TMEM266: variants seen among roughly 807,000 people sequenced by gnomAD.
TMEM266 encodes the protein transmembrane protein 266.
Under a neutral mutation model 50.5 loss-of-function variants are expected in TMEM266, and 33 were observed. The ratio of observed to expected loss-of-function variants is 0.65; its 90% CI spans 0.50 to 0.87. The LOEUF (loss-of-function observed/expected upper bound fraction) is 0.87, where lower values mean the gene tolerates loss of function less well. Among genes scored for constraint, TMEM266 ranks in the 40% least tolerant of loss-of-function variants. TMEM266 has a pLI of 0.00. For missense variants in TMEM266, 655 were observed against 695.1 expected (o/e 0.94, Z 0.65); for synonymous variants, 310 against 292.3 (o/e 1.06, Z -0.62).
chr15:76,103,767 C>G (rs779177416), intron 1 of TMEM266, among the ~76,000 whole-genome samples: 1 of 147,022 alleles, frequency 6.8e-6, no homozygotes, highest in Non-Finnish European at 1.5e-5. Flanking sequence ...CAAAAATTAG[C>G]TGGGCATGAT....
chr15:76,090,511 GAGAAAA>G (rs1171351986), intron 1 of TMEM266, among the ~76,000 whole-genome samples: 1 of 129,390 alleles, frequency 7.7e-6, no homozygotes. Context: ...AAAAAAAAAA[GAGAAAA>G]AGAAAAAAGT....
At chr15:76,201,737 C>T (rs1420475914) in intron 9 of TMEM266, among the ~76,000 whole-genome samples, 3 of 152,172 alleles carry the variant, frequency 2.0e-5, no homozygotes, top group Non-Finnish European at 4.4e-5. Flanking sequence ...GTGGATCGAG[C>T]CACGGGGGGC....
chr15:76,117,716 C>A (rs1331163042), intron 1 of TMEM266, among the ~76,000 whole-genome samples: 2 of 152,130 alleles, frequency 1.3e-5, no homozygotes, highest in Non-Finnish European at 2.9e-5. Context: ...TGAGAGGAGA[C>A]AAGCTGGGAA....
chr15:76,150,467 G>A (rs2037821928), intron 3 of TMEM266, among the ~76,000 whole-genome samples: 1 of 152,218 alleles, frequency 6.6e-6, no homozygotes, highest in South Asian at 2.1e-4. Flanking sequence ...CTGATGCCGT[G>A]ACTCTCCACT....
chr15:76,072,761 C>A (rs1013459637), intron 1 of TMEM266, among the ~76,000 whole-genome samples: 16 of 151,860 alleles, frequency 1.1e-4, no homozygotes, highest in East Asian at 7.8e-4. Flanking sequence ...CCTCAGCCTC[C>A]TGGGTAGCTG....
chr15:76,126,690 G>A (rs1156603926), intron 1 of TMEM266, among the ~76,000 whole-genome samples: 3 of 151,628 alleles, frequency 2.0e-5, no homozygotes, highest in Admixed American at 6.6e-5. Flanking sequence ...CACCATGCCC[G>A]GCTAATTTTT....
chr15:76,141,236 C>CTT lies in TMEM266; in HGVS notation c.227+3357_227+3358dup, dbSNP rs34149031. Reference sequence around the variant, plus strand: ...CCAATGCCTTTAACTTCTCAGTATACTTTTTTTTTTTTTTTTTGAGACAAA... The same window carrying CTT: ...CCAATGCCTTTAACTTCTCAGTATACTTTTTTTTTTTTTTTTTTTGAGACAAA... On this transcript the variant is annotated intron_variant, in intron 3 of 10. Transcript: ENST00000388942. Among the ~76,000 whole-genome samples the CTT allele has an allele frequency of 4.0e-3, 548 of 137,934 alleles. 5 individuals carry two copies. Among genetic ancestry groups the CTT allele is most frequent in the Middle Eastern group, 0.011 (3 of 270 alleles). The allele number at this position is 137,934 out of a possible 152,430, so 90.5% of individuals were successfully genotyped here.
intron 9 of TMEM266, among the ~76,000 whole-genome samples, chr15:76,201,443 G>A (rs1261902166): frequency 1.3e-5 from 2 of 152,152 alleles, no homozygotes; most frequent in African/African-American, 2.4e-5. Context: ...CCAGGCTGGA[G>A]TGCAGTGGTG....
intron 1 of TMEM266, among the ~76,000 whole-genome samples, chr15:76,071,914 T>G (rs774691574): frequency 1.7e-4 from 26 of 152,100 alleles, no homozygotes; most frequent in Non-Finnish European, 3.4e-4. Context: ...CGGCATTTTT[T>G]TTTTTTAAAC....
chr15:76,136,419 C>T (rs919468659), intron 2 of TMEM266, among the ~76,000 whole-genome samples: 2 of 152,016 alleles, frequency 1.3e-5, no homozygotes, highest in African/African-American at 4.8e-5. Context: ...TCTATTTTAC[C>T]TCCTCATGTT....
chr15:76,150,738 G>A (rs1200932599), intron 3 of TMEM266, among the ~76,000 whole-genome samples: 2 of 152,172 alleles, frequency 1.3e-5, no homozygotes, highest in African/African-American at 4.8e-5. Context: ...TCCAGATTGG[G>A]GCTGTTTCAG....
intron 1 of TMEM266, among the ~76,000 whole-genome samples, chr15:76,120,211 CA>C (rs531368487): frequency 5.7e-4 from 77 of 135,008 alleles, no homozygotes; most frequent in South Asian, 1.2e-3. Flanking sequence ...TCACGGTGGC[CA>C]AAAAAAAAAA....
At chr15:76,151,737 G>T (rs961994685) in intron 3 of TMEM266, among the ~76,000 whole-genome samples, 5 of 152,116 alleles carry the variant, frequency 3.3e-5, no homozygotes, top group African/African-American at 4.8e-5. Flanking sequence ...GCCGCCAGAA[G>T]CATTTGTTCT....
chr15:76,081,825 A>T (rs1407809694), intron 1 of TMEM266, among the ~76,000 whole-genome samples: 1 of 152,228 alleles, frequency 6.6e-6, no homozygotes, highest in African/African-American at 2.4e-5. Context: ...CAGCTGGAAG[A>T]GTGCCTATCT....
At chr15:76,193,544 C>T (rs532978316) in intron 9 of TMEM266, among the ~76,000 whole-genome samples, 2 of 152,302 alleles carry the variant, frequency 1.3e-5, no homozygotes, top group South Asian at 4.1e-4. Flanking sequence ...ATCTTCAGAT[C>T]TTAGAAACAT....
At position 76,156,574 on chromosome 15, in the gene TMEM266, C is replaced by T. The variant is rs199595962; in HGVS notation, c.228-30C>T. 1,450 of 1,610,992 alleles carry T rather than the reference C, an allele frequency of 9.0e-4. 1 individual carries two copies. Among genetic ancestry groups the T allele is most frequent in the Non-Finnish European group, 1.0e-3 (1,193 of 1,179,030 alleles). On this transcript the variant is annotated intron_variant, in intron 3 of 10. Transcript: ENST00000388942. The stretch of plus-strand genomic sequence containing the variant: ...CCCTCTTGTCCCCTCCCACTCTGAG[C>T]CTCTCTTCTCCCCACTTTTGTCCCC...
chr15:76,112,518 A>T (rs2037185126), intron 1 of TMEM266: 1 of 152,202 alleles, frequency 6.6e-6, no homozygotes, highest in Non-Finnish European at 1.5e-5. Flanking sequence ...CAGTTGCTGG[A>T]CGATTGCTCA....
At chr15:76,120,289 A>T (rs1433094653) in intron 1 of TMEM266, among the ~76,000 whole-genome samples, 1 of 152,126 alleles carries the variant, frequency 6.6e-6, no homozygotes, top group South Asian at 2.1e-4. Context: ...ACCATGGAAT[A>T]TATTATACAG....
chr15:76,200,163 T>C (rs2038722781), intron 9 of TMEM266, among the ~76,000 whole-genome samples: 1 of 152,272 alleles, frequency 6.6e-6, no homozygotes, highest in African/African-American at 2.4e-5. Context: ...AATGAGAAGC[T>C]GCCCAGGAGC....
Sources: allele counts gnomAD v4.1 joint callset (sites outside exome capture counted in the v4.1 genomes callset), GRCh38; gene constraint gnomAD v4.1.1; transcripts MANE v1.5; gene names NCBI Gene and HGNC (gene_info 2026-07-23, HGNC 2026-07-21).